The following IPPK variants were observed in gnomAD, a reference collection of about 807,000 sequenced individuals.
IPPK encodes inositol-pentakisphosphate 2-kinase, also known as IPK1 homolog.
In IPPK, 22 loss-of-function variants were observed where a neutral mutation model predicts 64.6. That is an observed-to-expected ratio of 0.34 (90% CI 0.24 to 0.49). The LOEUF is 0.49. IPPK is among the 20% of genes least tolerant of loss of function. IPPK has a pLI of 0.99. For synonymous variants in IPPK, 262 were observed against 247.2 expected, an observed-to-expected ratio of 1.06 and a Z score of -0.56; for missense variants, 532 against 630.7, an observed-to-expected ratio of 0.84 and a Z score of 1.68.
At chr9:92,654,699 A>AT (rs2131455666) in intron 3 of IPPK, among the ~76,000 whole-genome samples, 1 of 152,334 alleles carries the variant, frequency 6.6e-6, no homozygotes, top group Admixed American at 6.5e-5. Context: ...GTCCCCTGGA[A>AT]TCCCACAGAG....
chr9:92,634,831 G>A (rs1449377419), intron 10 of IPPK, among the ~76,000 whole-genome samples: 2 of 152,340 alleles, frequency 1.3e-5, no homozygotes, highest in East Asian at 3.9e-4. Context: ...CCAGGACAGA[G>A]GCTGGGCTGA....
chr9:92,638,909 G>A (rs993560434), intron 8 of IPPK, among the ~76,000 whole-genome samples: 1 of 152,234 alleles, frequency 6.6e-6, no homozygotes, highest in African/African-American at 2.4e-5. Context: ...GGCACAGGCA[G>A]GGACATCTGC....
chr9:92,628,990 T>C (rs371719166), intron 11 of IPPK, among the ~76,000 whole-genome samples: 20 of 151,582 alleles, frequency 1.3e-4, no homozygotes, highest in South Asian at 1.0e-3. Flanking sequence ...ACAGGGGAGG[T>C]TGAGGCAGGA....
intron 1 of IPPK, among the ~76,000 whole-genome samples, chr9:92,663,405 T>A (rs1852527765): frequency 6.6e-6 from 1 of 152,172 alleles, no homozygotes; most frequent in Admixed American, 6.5e-5. Flanking sequence ...GGCAACAACA[T>A]CACCTAACAA....
rs117314703 is a variant in IPPK, at chr9:92,614,921, C to T, written c.*911G>A. ...GGCCACGGGGCCCAAAAACGCAACA[C>T]GTCTCAAGGCAAACCCGAGGGAGGA... On this transcript the variant is annotated 3_prime_UTR_variant, in exon 13 of 13. Transcript: ENST00000287996. The T allele has an allele frequency of 9.4e-3, 1,441 of 152,602 alleles. 13 individuals are homozygous for T. The highest frequency in any genetic ancestry group is 0.024 in the Middle Eastern group (7 of 294). The allele number at this position is 152,602 out of a possible 1,614,324, so 9.5% of individuals were successfully genotyped here.
Position 92,628,014 on chromosome 9 carries a change from C to CA in IPPK, c.1170+6371dup, listed in dbSNP as rs139530348. Among the ~76,000 whole-genome samples the CA allele has an allele frequency of 1.9e-3, 286 of 152,196 alleles. 1 individual carries two copies. Among genetic ancestry groups the CA allele is most frequent in the Middle Eastern group, 3.4e-3 (1 of 294 alleles). On this transcript the variant is annotated intron_variant, in intron 11 of 12. Coordinates refer to ENST00000287996, the MANE Select transcript of IPPK (RefSeq NM_022755.6). ...CGATGCAGGCTACAAGATCAATATA[C>CA]AAAATCAAATTGTATTTCTACACCT...
chr9:92,640,881 C>A, intron 7 of IPPK, 99 bp from the exon 8 acceptor site: 1 of 843,016 alleles, frequency 1.2e-6, no homozygotes, highest in Non-Finnish European at 2.0e-6. Flanking sequence ...CTGGGTACTC[C>A]CAGGGGCCGC....
chr9:92,631,330 G>C (rs1486682280), intron 11 of IPPK, among the ~76,000 whole-genome samples: 1 of 151,926 alleles, frequency 6.6e-6, no homozygotes, highest in East Asian at 1.9e-4. Flanking sequence ...CAAGTAGCTG[G>C]AACTACAGGC....
rs111281220 is a variant in IPPK, at chr9:92,669,745, G to C, written c.81+163C>G. On this transcript the variant is annotated intron_variant, in intron 1 of 12. Transcript: ENST00000287996. ...GGGTGATGAGGAACCCAAGCGGTAGGGGGGGATGCTGGAGGGTGGGGGAAT... is the reference window on the plus strand; with the variant it reads ...GGGTGATGAGGAACCCAAGCGGTAGCGGGGGATGCTGGAGGGTGGGGGAAT... Among the ~76,000 whole-genome samples, 1,316 of 152,150 alleles carry C rather than the reference G, an allele frequency of 8.6e-3. 9 individuals carry two copies. Among genetic ancestry groups the C allele is most frequent in the Non-Finnish European group, 0.013 (878 of 67,982 alleles).
intron 11 of IPPK, among the ~76,000 whole-genome samples, chr9:92,626,786 A>C (rs996479572): frequency 2.0e-5 from 3 of 152,210 alleles, no homozygotes; most frequent in Non-Finnish European, 4.4e-5. Context: ...CAAAAGGACA[A>C]GAAAGAGGTA....
At position 92,638,239 on chromosome 9, in the gene IPPK, G is replaced by T; in HGVS notation, c.678C>A (p.Pro226=). The change falls in exon 9 of 13, where the codon CCC becomes CCA. Residue 226 remains proline (P), a synonymous_variant. Transcript: ENST00000287996. ...GTGCAAGCTCGCTCCAGTCAGCCAC[G>T]GGGCTCCGGGCATCTTTGCAGCCGT... The part of the protein sequence containing the change: ...LIYGCKDARS[P]VADWSELAHH... 1 of 1,614,148 alleles carries T rather than the reference G, an allele frequency of 6.2e-7. No homozygotes were observed.
At chr9:92,633,384 T>A (rs10992385) in intron 11 of IPPK, among the ~76,000 whole-genome samples, 8,396 of 144,846 alleles carry the variant, frequency 0.058, 829 homozygotes, top group East Asian at 0.43. Flanking sequence ...AAAAAAAAAA[T>A]GTTTTTTTGA....
chr9:92,648,107 A>T lies in IPPK; in HGVS notation c.456T>A (p.His152Gln). The change falls in exon 6 of 13, where the codon CAT becomes CAA. Residue 152 changes from histidine (H) to glutamine (Q), a missense_variant. Coordinates refer to ENST00000287996, the MANE Select transcript of IPPK (RefSeq NM_022755.6). ...GFIPFSSDVT[H>Q]EMKHKVCRYC... ...ATCGACAGACCTTATGCTTCATCTC[A>T]TGCGTGACATCACTCGAGAAAGGAA... 1.2e-6 allele frequency: 2 copies of T among 1,611,434 alleles called. No individual in the cohort carries two copies. Among genetic ancestry groups the T allele is most frequent in the Non-Finnish European group, 1.7e-6 (2 of 1,177,812 alleles).
chr9:92,621,602 C>T (rs1186040873), intron 11 of IPPK, among the ~76,000 whole-genome samples: 3 of 150,102 alleles, frequency 2.0e-5, no homozygotes, highest in Non-Finnish European at 4.4e-5. Context: ...ACAGCCTCGA[C>T]CTGCAGGGCT....
intron 11 of IPPK, among the ~76,000 whole-genome samples, chr9:92,633,158 C>A (rs1364355203): frequency 1.3e-5 from 2 of 151,788 alleles, no homozygotes; most frequent in Non-Finnish European, 2.9e-5. Context: ...CTACAGACGC[C>A]TGCCACCACG....
chr9:92,650,738 TC>T (rs1006938087), intron 4 of IPPK, among the ~76,000 whole-genome samples: 1 of 152,116 alleles, frequency 6.6e-6, no homozygotes, highest in African/African-American at 2.4e-5. Flanking sequence ...TTGGGGATGG[TC>T]CCCTAATTCC....
chr9:92,640,719 CT>C lies in IPPK; in HGVS notation c.626del (p.Lys209ArgfsTer8). 1 of 1,610,000 alleles carries C rather than the reference CT, an allele frequency of 6.2e-7. No individual in the cohort carries two copies. The highest frequency in any genetic ancestry group is 8.5e-7 in the Non-Finnish European group (1 of 1,176,200). On this transcript the variant is annotated frameshift_variant, in exon 8 of 13. Coordinates refer to ENST00000287996, the MANE Select transcript of IPPK (RefSeq NM_022755.6). LOFTEE classifies it high-confidence loss of function. ...TCAAAGCAGCTCTTACCTTAAATAT[CT>C]TCAAGTTGTTCTGTGCCTCCTGCAG... ...SLLQEAQNNL[K>X]IFKNGELIYG...
chr9:92,633,080 G>A (rs1851874810), intron 11 of IPPK, among the ~76,000 whole-genome samples: 1 of 151,184 alleles, frequency 6.6e-6, no homozygotes. Flanking sequence ...GTGCAATCTT[G>A]GCTCACTGCA....
intron 11 of IPPK, among the ~76,000 whole-genome samples, chr9:92,633,973 C>T (rs536518230): frequency 4.6e-5 from 7 of 152,314 alleles, no homozygotes; most frequent in Admixed American, 2.0e-4. Context: ...CCCTTGGCCT[C>T]GGTTCTAAGG....
Sources: allele counts gnomAD v4.1 joint callset (sites outside exome capture counted in the v4.1 genomes callset), GRCh38; gene constraint gnomAD v4.1.1; transcripts MANE v1.5; gene names NCBI Gene and HGNC (gene_info 2026-07-23, HGNC 2026-07-21).